The following FARP1 variants were observed in gnomAD, a reference collection of about 807,000 sequenced individuals.
FARP1 encodes the protein FERM, ARHGEF and pleckstrin domain-containing protein 1.
Under a neutral mutation model 128.8 loss-of-function variants are expected in FARP1, and 52 were observed. The ratio of observed to expected loss-of-function variants is 0.40; its 90% confidence interval spans 0.32 to 0.51. FARP1 has a LOEUF of 0.51. Ranked by LOEUF, FARP1 falls within the 20% of genes least tolerant of loss-of-function variation. The pLI, the probability that FARP1 is intolerant of heterozygous loss-of-function variation, is 0.45. For synonymous variants in FARP1, 580 were observed against 551.8 expected (o/e 1.05, Z -0.72); for missense variants, 1,333 against 1,367.9 (o/e 0.97, Z 0.40).
At chr13:98,293,000 G>A (rs1245019855) in intron 2 of FARP1, among the ~76,000 whole-genome samples, 1 of 151,994 alleles carries the variant, frequency 6.6e-6, no homozygotes, top group Non-Finnish European at 1.5e-5. Context: ...AACTCATGGG[G>A]TAAATAAAAT....
intron 1 of FARP1, among the ~76,000 whole-genome samples, chr13:98,154,801 C>A (rs73564670): frequency 3.9e-5 from 6 of 152,136 alleles, no homozygotes; most frequent in Non-Finnish European, 5.9e-5. Context: ...CACATTACCC[C>A]CAAAGCTGAG....
intron 3 of FARP1, chr13:98,345,335 T>A (rs1260136499): frequency 6.6e-6 from 1 of 151,770 alleles, no homozygotes; most frequent in Non-Finnish European, 1.5e-5. Flanking sequence ...GGCGCTAAGA[T>A]TCTAAGAATT....
chr13:98,392,998 G>A (rs1161308374), intron 11 of FARP1, among the ~76,000 whole-genome samples: 1 of 152,128 alleles, frequency 6.6e-6, no homozygotes, highest in Non-Finnish European at 1.5e-5. Context: ...GGATGTGCCT[G>A]GGAATAGAAT....
chr13:98,327,384 AGTGATGATACC>A (rs1204191971), intron 2 of FARP1, among the ~76,000 whole-genome samples: 1 of 152,222 alleles, frequency 6.6e-6, no homozygotes, highest in Non-Finnish European at 1.5e-5. Context: ...TAACTTTTGC[AGTGATGATACC>A]TACATAAAAG....
chr13:98,184,743 G>A (rs1168253211), intron 1 of FARP1, among the ~76,000 whole-genome samples: 6 of 152,264 alleles, frequency 3.9e-5, no homozygotes, highest in South Asian at 4.1e-4. Flanking sequence ...GAATTTGTGA[G>A]GGACTTGTTT....
Position 98,388,706 on chromosome 13 carries a change from A to C in FARP1, c.855+228A>C, listed in dbSNP as rs533895778. ...CAGAGAGCGTAAAGGAGGTACATGA[A>C]CATGTACCTGGGGAGAGGGTCATTT... On this transcript the variant is annotated intron_variant, in intron 9 of 26. Transcript: ENST00000319562. Among the ~76,000 whole-genome samples the C allele has an allele frequency of 4.6e-5, 7 of 152,330 alleles. No homozygotes were observed. The South Asian group carries it at 1.4e-3, about 32-fold the overall frequency.
At chr13:98,239,534 G>A (rs1396158621) in intron 2 of FARP1, among the ~76,000 whole-genome samples, 1 of 152,220 alleles carries the variant, frequency 6.6e-6, no homozygotes, top group Non-Finnish European at 1.5e-5. Flanking sequence ...GGTGGAGGGG[G>A]AGGAGACATG....
intron 2 of FARP1, among the ~76,000 whole-genome samples, chr13:98,341,831 T>A (rs1887986724): frequency 6.6e-6 from 1 of 152,172 alleles, no homozygotes; most frequent in Non-Finnish European, 1.5e-5. Context: ...GGTTCTTATA[T>A]ATAATATTCC....
intron 17 of FARP1, among the ~76,000 whole-genome samples, chr13:98,430,075 C>T (rs1322155381): frequency 6.6e-6 from 1 of 152,044 alleles, no homozygotes; most frequent in African/African-American, 2.4e-5. Context: ...GACCCTGTCT[C>T]TAAAAATAAA....
At chr13:98,429,362 CAG>C (rs1308749469) in intron 17 of FARP1, among the ~76,000 whole-genome samples, 1 of 152,150 alleles carries the variant, frequency 6.6e-6, no homozygotes, top group Non-Finnish European at 1.5e-5. Context: ...GCGTCAATGC[CAG>C]AGAGGTCAGA....
At chr13:98,217,988 G>A (rs1229917448) in intron 2 of FARP1, among the ~76,000 whole-genome samples, 3 of 152,126 alleles carry the variant, frequency 2.0e-5, no homozygotes, top group African/African-American at 7.2e-5. Context: ...GTGGGGCTGG[G>A]ATTGGAGTCC....
intron 2 of FARP1, among the ~76,000 whole-genome samples, chr13:98,247,700 C>G (rs1310942261): frequency 6.6e-6 from 1 of 152,190 alleles, no homozygotes; most frequent in Admixed American, 6.5e-5. Context: ...CAGCTTCCAC[C>G]TTCAACGGAT....
intron 2 of FARP1, among the ~76,000 whole-genome samples, chr13:98,315,937 T>G (rs1055229099): frequency 2.6e-5 from 4 of 152,210 alleles, no homozygotes; most frequent in African/African-American, 9.7e-5. Context: ...TCTTCAGTGG[T>G]TTCAGATGTT....
intron 25 of FARP1, 172 bp from the exon 26 acceptor site, chr13:98,446,494 C>A: frequency 1.5e-6 from 1 of 669,230 alleles, no homozygotes; most frequent in Non-Finnish European, 2.5e-6. Context: ...CGGGACTTGC[C>A]ACCCGGGCCA....
chr13:98,351,816 C>T (rs540887427), intron 3 of FARP1, among the ~76,000 whole-genome samples: 3 of 151,960 alleles, frequency 2.0e-5, no homozygotes, highest in South Asian at 4.2e-4. Flanking sequence ...ATGGACTCTG[C>T]GTGGAAACAT....
intron 2 of FARP1, among the ~76,000 whole-genome samples, chr13:98,276,408 A>G (rs915043003): frequency 2.0e-5 from 3 of 152,176 alleles, no homozygotes; most frequent in Non-Finnish European, 2.9e-5. Flanking sequence ...TTGATTCATA[A>G]TATTATGGCA....
At position 98,213,223 on chromosome 13, in the gene FARP1, T is replaced by A. The variant is rs369417646; in HGVS notation, c.-20T>A. 70 of 1,604,438 alleles carry A rather than the reference T, an allele frequency of 4.4e-5. 1 individual carries two copies. Among genetic ancestry groups the A allele is most frequent in the African/African-American group, 1.1e-4 (8 of 74,242 alleles). ...TCTTTCTCACTGCTTCCTGCAGATA[T>A]TCTCTAAGCCGCTTTCATCATGGGA... On this transcript the variant is annotated 5_prime_UTR_variant, in exon 2 of 27. Transcript: ENST00000319562.
chr13:98,257,717 C>G (rs918059152), intron 2 of FARP1, among the ~76,000 whole-genome samples: 3 of 151,996 alleles, frequency 2.0e-5, no homozygotes, highest in Non-Finnish European at 4.4e-5. Context: ...TTGTAGTGAG[C>G]CGAGATTGCA....
At chr13:98,188,047 C>T (rs1226029321) in intron 1 of FARP1, among the ~76,000 whole-genome samples, 1 of 152,174 alleles carries the variant, frequency 6.6e-6, no homozygotes, top group Non-Finnish European at 1.5e-5. Flanking sequence ...ACTCTGCGGT[C>T]CCTTGGATTG....
Sources: gnomAD v4.1 joint callset for allele counts (sites outside exome capture counted in the v4.1 genomes callset) on GRCh38, gnomAD v4.1.1 for gene constraint, MANE v1.5 for transcripts, NCBI Gene and HGNC (gene_info 2026-07-23, HGNC 2026-07-21) for gene names.